GSG1L: variants seen among roughly 807,000 people sequenced by gnomAD.
The protein encoded by GSG1L is GSG1 like.
In GSG1L, 24 loss-of-function variants were observed where a neutral mutation model predicts 42.1. The ratio of observed to expected loss-of-function variants is 0.57; its 90% CI spans 0.41 to 0.80. GSG1L has a LOEUF of 0.80. Ranked by LOEUF, GSG1L falls within the 30% of genes least tolerant of loss-of-function variation. The pLI is 0.00. For synonymous variants in GSG1L, 215 were observed against 203.5 expected (o/e 1.06, Z -0.48); for missense variants, 445 against 472.2 (o/e 0.94, Z 0.53).
intron 1 of GSG1L, among the ~76,000 whole-genome samples, chr16:27,989,046 C>G (rs1254402307): frequency 1.6e-5 from 2 of 121,654 alleles, no homozygotes; most frequent in Non-Finnish European, 3.3e-5. Flanking sequence ...GAGCAAGACT[C>G]TGTCTCAAAA....
intron 5 of GSG1L, among the ~76,000 whole-genome samples, chr16:27,827,804 A>G (rs546313041): frequency 6.6e-6 from 1 of 152,040 alleles, no homozygotes; most frequent in East Asian, 1.9e-4. Context: ...CTATTTACTT[A>G]TCAATCCATT....
At chr16:27,865,803 T>C (rs923348695) in intron 3 of GSG1L, among the ~76,000 whole-genome samples, 5 of 151,686 alleles carry the variant, frequency 3.3e-5, no homozygotes, top group Admixed American at 1.3e-4. Flanking sequence ...CCCCAAGTGA[T>C]ACTCCTGCCT....
intron 1 of GSG1L, among the ~76,000 whole-genome samples, chr16:28,018,255 G>T (rs538700737): frequency 3.3e-5 from 5 of 152,178 alleles, no homozygotes; most frequent in Non-Finnish European, 7.4e-5. Flanking sequence ...ATTCAGTTCT[G>T]TCTCATAACA....
chr16:27,874,141 C>T lies in GSG1L; in HGVS notation c.550+10345G>A, dbSNP rs932221871. ...GCCCTTGTCCCTGTTTCAGGAGGGACACTCTAAATCCTTTGAAGTTTGTAA... is the reference window on the plus strand; with the variant it reads ...GCCCTTGTCCCTGTTTCAGGAGGGATACTCTAAATCCTTTGAAGTTTGTAA... On this transcript the variant is annotated intron_variant, in intron 3 of 6. Transcript: ENST00000447459. Among the ~76,000 whole-genome samples, 5 of 152,156 alleles carry T rather than the reference C, an allele frequency of 3.3e-5. No homozygotes were observed. The South Asian group carries it at 1.0e-3, about 32-fold the overall frequency.
rs1191384426 is a variant in GSG1L at position 28,063,326 on chromosome 16, G to A, written c.99C>T (p.Cys33=). The A allele has an allele frequency of 1.4e-6, 2 of 1,402,510 alleles. No homozygotes were observed. Among genetic ancestry groups the A allele is most frequent in the Middle Eastern group, 2.3e-4 (1 of 4,406 alleles). 86.9% of individuals were successfully genotyped at this position (1,402,510 alleles called of 1,614,324 possible). Residue 33 remains cysteine, a synonymous_variant, in exon 1 of 7, where the codon TGC becomes TGT. Coordinates refer to ENST00000447459, the MANE Select transcript of GSG1L (RefSeq NM_001109763.2). The surrounding 1 kb of genome is among the most constrained non-coding windows in gnomAD (Gnocchi z 5.8). ...GCTTGGGGACCCGCTGCGTGCCCTG[G>A]CACCAGTGCGTGGTGAGGAAAGCGG... is the stretch of plus-strand genomic sequence containing the variant. ...ATTAFLTTHW[C]QGTQRVPKPG...
chr16:28,021,578 T>C (rs2085843649), intron 1 of GSG1L, among the ~76,000 whole-genome samples: 1 of 152,204 alleles, frequency 6.6e-6, no homozygotes, highest in African/African-American at 2.4e-5. Context: ...TTTTATTCTT[T>C]CTCTTAAAAT....
intron 1 of GSG1L, among the ~76,000 whole-genome samples, chr16:27,985,492 G>T (rs1012167369): frequency 6.6e-6 from 1 of 152,122 alleles, no homozygotes; most frequent in South Asian, 2.1e-4. Flanking sequence ...AAGCTAACAC[G>T]ATGCTTTCCG....
chr16:27,857,241 A>G (rs1024114602), intron 3 of GSG1L, among the ~76,000 whole-genome samples: 2 of 152,286 alleles, frequency 1.3e-5, no homozygotes, highest in Admixed American at 6.5e-5. Context: ...ACCCTGGGCA[A>G]CATGGTGAAA....
At chr16:27,894,396 T>C (rs980060643) in intron 2 of GSG1L, among the ~76,000 whole-genome samples, 2 of 152,216 alleles carry the variant, frequency 1.3e-5, no homozygotes, top group African/African-American at 4.8e-5. Flanking sequence ...AAAACCTTTA[T>C]GAGGATCAGA....
chr16:27,901,318 C>G (rs947228176), intron 2 of GSG1L, among the ~76,000 whole-genome samples: 1 of 152,172 alleles, frequency 6.6e-6, no homozygotes, highest in Non-Finnish European at 1.5e-5. Flanking sequence ...CGATTGGTGT[C>G]AAAGCCCCAG....
intron 1 of GSG1L, among the ~76,000 whole-genome samples, chr16:27,994,138 T>C (rs541735395): frequency 6.6e-6 from 1 of 152,272 alleles, no homozygotes; most frequent in East Asian, 1.9e-4. Context: ...CTCCAGGTGA[T>C]ACCACAGGAG....
At chr16:27,891,585 G>A (rs1035697106) in intron 2 of GSG1L, among the ~76,000 whole-genome samples, 1 of 151,956 alleles carries the variant, frequency 6.6e-6, no homozygotes, top group Non-Finnish European at 1.5e-5. Flanking sequence ...CGATCCTACC[G>A]CTTCATCTTC....
At chr16:27,894,835 C>A (rs373421838) in intron 2 of GSG1L, among the ~76,000 whole-genome samples, 1 of 152,090 alleles carries the variant, frequency 6.6e-6, no homozygotes, top group East Asian at 1.9e-4. Context: ...GGAGCAGAGT[C>A]GGGTGGGAGG....
chr16:27,877,339 C>T (rs1295608112), intron 3 of GSG1L, among the ~76,000 whole-genome samples: 3 of 152,156 alleles, frequency 2.0e-5, no homozygotes, highest in South Asian at 2.1e-4. Context: ...CATCGTAGAC[C>T]TGTTCCTCCA....
At chr16:27,829,031 A>T in intron 4 of GSG1L, 75 bp from the exon 5 acceptor site, 1 of 1,408,078 alleles carries the variant, frequency 7.1e-7, no homozygotes. Context: ...CCCACCAAAC[A>T]TTCATTCATC....
chr16:27,856,794 T>C (rs1389164576), intron 3 of GSG1L, among the ~76,000 whole-genome samples: 2 of 152,236 alleles, frequency 1.3e-5, no homozygotes, highest in African/African-American at 2.4e-5. Context: ...GGGCATCGGA[T>C]GTGGCAATGG....
chr16:27,909,482 G>A (rs1373068584), intron 2 of GSG1L, among the ~76,000 whole-genome samples: 2 of 149,274 alleles, frequency 1.3e-5, no homozygotes, highest in Non-Finnish European at 3.0e-5. Flanking sequence ...GAACTCTTAG[G>A]CTCAAGCAAG....
At chr16:28,030,587 T>C (rs957900234) in intron 1 of GSG1L, among the ~76,000 whole-genome samples, 1 of 152,240 alleles carries the variant, frequency 6.6e-6, no homozygotes, top group African/African-American at 2.4e-5. Context: ...GCTACCTTTT[T>C]CTTCACATAA....
chr16:27,865,568 T>C lies in GSG1L; in HGVS notation c.550+18918A>G, dbSNP rs12922688. Reference sequence around the variant, plus strand: ...ATATATATATATATATATATATATATATATACACACACACATACATACATA... The same window carrying C: ...ATATATATATATATATATATATATACATATACACACACACATACATACATA... On this transcript the variant is annotated intron_variant, in intron 3 of 6. Coordinates refer to ENST00000447459, the MANE Select transcript of GSG1L (RefSeq NM_001109763.2). Among the ~76,000 whole-genome samples the C allele has an allele frequency of 9.1e-4, 19 of 20,854 alleles. 1 individual carries two copies. The highest frequency in any genetic ancestry group is 3.7e-3 in the African/African-American group (12 of 3,212). The allele number at this position is 20,854 out of a possible 152,430, so 13.7% of individuals were successfully genotyped here. A position where few individuals can be genotyped will look rare whatever the true frequency, so the allele number is the denominator to read the frequency against.
Sources: allele counts gnomAD v4.1 joint callset (sites outside exome capture counted in the v4.1 genomes callset), GRCh38; gene constraint gnomAD v4.1.1; non-coding constraint Gnocchi (gnomAD v3.1); transcripts MANE v1.5; gene names NCBI Gene and HGNC (gene_info 2026-07-23, HGNC 2026-07-21).